COL5A2: variants seen among roughly 807,000 people sequenced by gnomAD.
COL5A2 encodes the protein collagen type V alpha 2 chain.
COL5A2 carries 23 observed loss-of-function variants against 208.2 expected under a neutral mutation model. The observed-to-expected ratio is 0.11, with a 90% confidence interval of 0.08 to 0.16. The LOEUF (loss-of-function observed/expected upper bound fraction) is 0.16, where lower values mean the gene tolerates loss of function less well. Ranked by LOEUF, COL5A2 falls within the 10% of genes least tolerant of loss-of-function variation. The probability of loss-of-function intolerance (pLI) is 1.00; values close to 1 mark genes in which losing one functional copy is unlikely to be tolerated. For synonymous variants in COL5A2, 625 were observed against 628.5 expected (o/e 0.99, Z 0.08); for missense variants, 1,590 against 1,956.4 (o/e 0.81, Z 3.53).
At chr2:189,256,895 T>A in the COL5A2 span, among the ~76,000 whole-genome samples, 1 of 152,204 alleles carries the variant, frequency 6.6e-6, no homozygotes, top group Non-Finnish European at 1.5e-5. Context: ...CCCAAAGTGT[T>A]GGGATTACAG....
intron 1 of COL5A2, among the ~76,000 whole-genome samples, chr2:189,213,863 C>T (rs1471272826): frequency 6.6e-6 from 1 of 152,194 alleles, no homozygotes; most frequent in African/African-American, 2.4e-5. Flanking sequence ...GGATGGAACA[C>T]ACAGAAAGGC....
chr2:189,245,166 T>C, the COL5A2 span, among the ~76,000 whole-genome samples: 1 of 152,198 alleles, frequency 6.6e-6, no homozygotes, highest in Non-Finnish European at 1.5e-5. Flanking sequence ...TCAGGATTCA[T>C]GACAATAATG....
chr2:189,142,739 T>C (rs1245222675), intron 1 of COL5A2, among the ~76,000 whole-genome samples: 1 of 152,142 alleles, frequency 6.6e-6, no homozygotes, highest in African/African-American at 2.4e-5. Context: ...TCTTCTTAAA[T>C]GGCCCTTCAA....
chr2:189,239,605 T>A, the COL5A2 span, among the ~76,000 whole-genome samples: 8 of 115,802 alleles, frequency 6.9e-5, no homozygotes, highest in East Asian at 2.1e-3. Flanking sequence ...AACATCACAC[T>A]CTGGGGACTG....
chr2:189,359,104 T>C, the COL5A2 span, among the ~76,000 whole-genome samples: 1 of 152,330 alleles, frequency 6.6e-6, no homozygotes, highest in East Asian at 1.9e-4. Context: ...TCTATTATTA[T>C]GATGAGTAGA....
the COL5A2 span, among the ~76,000 whole-genome samples, chr2:189,423,890 A>AG: frequency 6.6e-6 from 1 of 151,032 alleles, no homozygotes; most frequent in African/African-American, 2.5e-5. Flanking sequence ...AAATCAGACG[A>AG]GGGGGAAAAA....
the COL5A2 span, among the ~76,000 whole-genome samples, chr2:189,257,839 G>A: frequency 6.6e-6 from 1 of 152,232 alleles, no homozygotes; most frequent in East Asian, 1.9e-4. Flanking sequence ...TCTAGGCCAG[G>A]CGCGGTGGTT....
At chr2:189,210,186 G>C (rs923632242) in intron 1 of COL5A2, among the ~76,000 whole-genome samples, 1 of 152,092 alleles carries the variant, frequency 6.6e-6, no homozygotes, top group Admixed American at 6.5e-5. Flanking sequence ...CTATTCAACT[G>C]TTTCTTTTTT....
intron 1 of COL5A2, among the ~76,000 whole-genome samples, chr2:189,160,722 T>G (rs1009950696): frequency 1.3e-5 from 2 of 152,168 alleles, no homozygotes; most frequent in South Asian, 2.1e-4. Context: ...CCTTCCATTC[T>G]ATGCTCTAAG....
chr2:189,065,362 T>G (rs1324244551), intron 23 of COL5A2, among the ~76,000 whole-genome samples: 1 of 152,122 alleles, frequency 6.6e-6, no homozygotes, highest in Non-Finnish European at 1.5e-5. Context: ...AAAACCTGTC[T>G]CTACTAAAAA....
At chr2:189,191,194 A>T (rs1460955201) in intron 1 of COL5A2, among the ~76,000 whole-genome samples, 1 of 149,664 alleles carries the variant, frequency 6.7e-6, no homozygotes, top group Non-Finnish European at 1.5e-5. Context: ...AAAAAAAACC[A>T]CTCAGGTGGC....
chr2:189,395,194 CTTTAT>C, the COL5A2 span, among the ~76,000 whole-genome samples: 2 of 152,176 alleles, frequency 1.3e-5, no homozygotes, highest in African/African-American at 4.8e-5. Flanking sequence ...CTGTGTCACA[CTTTAT>C]TTTACCATTT....
At chr2:189,264,703 A>C in the COL5A2 span, among the ~76,000 whole-genome samples, 1 of 152,210 alleles carries the variant, frequency 6.6e-6, no homozygotes, top group Non-Finnish European at 1.5e-5. Flanking sequence ...ACTCATAAAA[A>C]GCAATAAAAT....
chr2:189,272,276 G>A, the COL5A2 span, among the ~76,000 whole-genome samples: 1 of 152,132 alleles, frequency 6.6e-6, no homozygotes, highest in African/African-American at 2.4e-5. Flanking sequence ...ACCCATCAAT[G>A]ATAGACTGGA....
intron 1 of COL5A2, among the ~76,000 whole-genome samples, chr2:189,170,764 C>A (rs1200300016): frequency 6.6e-6 from 1 of 151,824 alleles, no homozygotes; most frequent in Non-Finnish European, 1.5e-5. Flanking sequence ...AAAAGTCACA[C>A]AGAAGTAAGG....
chr2:189,156,843 A>G (rs893352071), intron 1 of COL5A2, among the ~76,000 whole-genome samples: 2 of 152,092 alleles, frequency 1.3e-5, no homozygotes, highest in Admixed American at 6.6e-5. Context: ...AGCGAATATA[A>G]TAAGCATATA....
chr2:189,044,639 G>C (rs2153507198), intron 47 of COL5A2, among the ~76,000 whole-genome samples: 1 of 152,192 alleles, frequency 6.6e-6, no homozygotes, highest in South Asian at 2.1e-4. Flanking sequence ...TTCTTTTTGA[G>C]AACAGACATT....
At chr2:189,309,414 T>C in the COL5A2 span, among the ~76,000 whole-genome samples, 1 of 152,138 alleles carries the variant, frequency 6.6e-6, no homozygotes, top group African/African-American at 2.4e-5. Context: ...TAAGCATGCG[T>C]ACAACTCCAG....
intron 7 of COL5A2, among the ~76,000 whole-genome samples, chr2:189,091,124 T>C (rs1182408124): frequency 6.6e-6 from 1 of 152,144 alleles, no homozygotes; most frequent in Non-Finnish European, 1.5e-5. Context: ...TTGGAAGAAG[T>C]TGATTCCAAC....
Sources: gnomAD v4.1 joint callset for allele counts (sites outside exome capture counted in the v4.1 genomes callset) on GRCh38, gnomAD v4.1.1 for gene constraint, MANE v1.5 for transcripts, NCBI Gene and HGNC (gene_info 2026-07-23, HGNC 2026-07-21) for gene names.